The following CSMD1 variants were observed in gnomAD, a reference collection of about 807,000 sequenced individuals.
CSMD1 encodes CUB and Sushi multiple domains 1, also known as CUB and sushi domain-containing protein 1.
CSMD1 carries 213 observed loss-of-function variants against 417.5 expected under a neutral mutation model. The ratio of observed to expected loss-of-function variants is 0.51; its 90% confidence interval spans 0.46 to 0.57. The LOEUF is 0.57. Ranked by LOEUF, CSMD1 falls within the 20% of genes least tolerant of loss-of-function variation. The pLI, the probability that CSMD1 is intolerant of heterozygous loss-of-function variation, is 0.00. For missense variants in CSMD1, 6,923 were observed against 4,529.7 expected (o/e 1.53, Z -15.17); for synonymous variants, 2,862 against 1,736.8 (o/e 1.65, Z -16.11).
chr8:3,930,005 G>A (rs557112662), intron 5 of CSMD1, among the ~76,000 whole-genome samples: 1 of 150,308 alleles, frequency 6.7e-6, no homozygotes, highest in Non-Finnish European at 1.5e-5. Context: ...TATTGTTAAT[G>A]CAAGGTTTTC....
At chr8:4,082,169 A>G (rs991322727) in intron 3 of CSMD1, among the ~76,000 whole-genome samples, 2 of 152,178 alleles carry the variant, frequency 1.3e-5, no homozygotes, top group Admixed American at 6.5e-5. Context: ...TAAGGACATT[A>G]AAGAGCGTAC....
In CSMD1 at chr8:3,087,300, A is replaced by T; in HGVS notation, c.7286-15T>A. 1 of 1,610,800 alleles carries T rather than the reference A, an allele frequency of 6.2e-7. No individual in the cohort carries two copies. The highest frequency in any genetic ancestry group is 8.5e-7 in the Non-Finnish European group (1 of 1,177,318). ...GCAGTAAGGTGCTGTGGGCAGACAG[A>T]CACACACAGAAATAAGTCAACAAGC... On this transcript the variant is annotated splice_polypyrimidine_tract_variant and intron_variant, in intron 48 of 69. Transcript: ENST00000635120.
Position 2,973,230 on chromosome 8 carries a change from T to C in CSMD1, c.8810A>G (p.Lys2937Arg). ...GGAGAAGCGGAGAAGACTCTTTGTC[T>C]TAAAGTCATCACCAAGCCGAGACCC... ...AHGSRLGDDFKTKSLLRFSCE... is the reference protein window; with the variant it reads ...AHGSRLGDDFRTKSLLRFSCE... The change falls in exon 57 of 70, where the codon AAG becomes AGG. Residue 2937 changes from lysine (K) to arginine (R), a missense_variant. Lys to Arg is a conservative substitution (Grantham distance 26). Coordinates refer to ENST00000635120, the MANE Select transcript of CSMD1 (RefSeq NM_033225.6). The C allele has an allele frequency of 6.2e-7, 1 of 1,613,968 alleles. No individual in the cohort carries two copies. Among genetic ancestry groups the C allele is most frequent in the South Asian group, 1.1e-5 (1 of 91,082 alleles).
intron 5 of CSMD1, among the ~76,000 whole-genome samples, chr8:3,887,002 T>A (rs554646646): frequency 6.6e-6 from 1 of 152,160 alleles, no homozygotes; most frequent in African/African-American, 2.4e-5. Flanking sequence ...ATTGATCACC[T>A]GGTACCACAT....
At chr8:4,182,304 T>G (rs971234638) in intron 3 of CSMD1, among the ~76,000 whole-genome samples, 1 of 152,140 alleles carries the variant, frequency 6.6e-6, no homozygotes, top group South Asian at 2.1e-4. Flanking sequence ...GTTCTAAGCT[T>G]GCCCTTGGTT....
chr8:4,706,492 T>G (rs1807947937), intron 1 of CSMD1, among the ~76,000 whole-genome samples: 1 of 152,168 alleles, frequency 6.6e-6, no homozygotes, highest in Admixed American at 6.6e-5. Context: ...AAAGTAAATA[T>G]AGCATTAAAT....
At chr8:4,276,083 A>C (rs1796470031) in intron 3 of CSMD1, among the ~76,000 whole-genome samples, 1 of 152,164 alleles carries the variant, frequency 6.6e-6, no homozygotes, top group South Asian at 2.1e-4. Context: ...AGGATCTAGA[A>C]CTTGAAATAC....
rs762709431 is a variant in CSMD1 at position 3,396,309 on chromosome 8, G to C, written c.2478C>G (p.Gly826=). Residue 826 remains glycine, a synonymous_variant, in exon 17 of 70, where the codon GGC becomes GGG. Coordinates refer to ENST00000635120, the MANE Select transcript of CSMD1 (RefSeq NM_033225.6). The part of the protein sequence containing the change: ...DGPASSSPLI[G]EYHGTQAPQF... ...GGGGTGCCTGGGTGCCGTGGTACTC[G>C]CCGATCAGTGGGGACGAACTGGCTG... 12 of 1,607,000 alleles carry C rather than the reference G, an allele frequency of 7.5e-6. No individual in the cohort carries two copies. The highest frequency in any genetic ancestry group is 3.4e-5 in the Admixed American group (2 of 59,196).
intron 54 of CSMD1, among the ~76,000 whole-genome samples, chr8:2,991,907 G>A (rs1806419886): frequency 6.6e-6 from 1 of 152,134 alleles, no homozygotes; most frequent in Non-Finnish European, 1.5e-5. Context: ...CGTTTAAGAA[G>A]GTGACTACAC....
At chr8:4,778,999 A>G (rs977571623) in intron 1 of CSMD1, among the ~76,000 whole-genome samples, 7 of 152,234 alleles carry the variant, frequency 4.6e-5, no homozygotes, top group African/African-American at 1.7e-4. Flanking sequence ...GGTGTTTAAC[A>G]GTATAGGTAT....
chr8:3,862,351 C>G (rs965119018), intron 5 of CSMD1, among the ~76,000 whole-genome samples: 3 of 152,184 alleles, frequency 2.0e-5, no homozygotes, highest in Non-Finnish European at 2.9e-5. Context: ...CCTCACTTTG[C>G]TTCCTCAGAT....
intron 2 of CSMD1, among the ~76,000 whole-genome samples, chr8:4,634,127 T>A (rs754579351): frequency 2.0e-5 from 3 of 152,064 alleles, no homozygotes; most frequent in Non-Finnish European, 4.4e-5. Context: ...GCTCTCAATA[T>A]CCACATCATT....
chr8:4,450,794 CT>C (rs1799095567), intron 2 of CSMD1, among the ~76,000 whole-genome samples: 1 of 152,124 alleles, frequency 6.6e-6, no homozygotes, highest in African/African-American at 2.4e-5. Context: ...TTTCATTTTG[CT>C]TTCATTTACG....
At chr8:3,384,882 C>A (rs1175285639) in intron 18 of CSMD1, among the ~76,000 whole-genome samples, 1 of 116,532 alleles carries the variant, frequency 8.6e-6, no homozygotes, top group Non-Finnish European at 1.6e-5. Flanking sequence ...ATTATATATG[C>A]AAATATATAA....
chr8:3,461,609 T>C (rs1184629970), intron 12 of CSMD1, among the ~76,000 whole-genome samples: 1 of 152,182 alleles, frequency 6.6e-6, no homozygotes, highest in Non-Finnish European at 1.5e-5. Flanking sequence ...AAGGGCCCCA[T>C]GAAACTGTAA....
intron 36 of CSMD1, among the ~76,000 whole-genome samples, chr8:3,182,766 T>C (rs1027987929): frequency 2.1e-5 from 3 of 145,306 alleles, no homozygotes; most frequent in African/African-American, 7.7e-5. Flanking sequence ...TGTGTGTGTG[T>C]GTATTGTTAG....
chr8:4,250,890 G>A (rs73498590), intron 3 of CSMD1, among the ~76,000 whole-genome samples: 11 of 152,178 alleles, frequency 7.2e-5, no homozygotes, highest in African/African-American at 2.7e-4. Flanking sequence ...CTGATGAAAA[G>A]AGCACCTCTT....
intron 5 of CSMD1, among the ~76,000 whole-genome samples, chr8:3,958,653 G>A (rs1299240405): frequency 2.6e-5 from 4 of 151,974 alleles, no homozygotes; most frequent in Non-Finnish European, 4.4e-5. Flanking sequence ...ATACAAATTA[G>A]CCTATAAAAA....
intron 1 of CSMD1, among the ~76,000 whole-genome samples, chr8:4,766,851 T>G (rs1331480122): frequency 6.6e-6 from 1 of 152,236 alleles, no homozygotes; most frequent in Non-Finnish European, 1.5e-5. Context: ...ATTTCTCATA[T>G]GTATAAATAT....
Sources: allele counts gnomAD v4.1 joint callset (sites outside exome capture counted in the v4.1 genomes callset), GRCh38; gene constraint gnomAD v4.1.1; transcripts MANE v1.5; gene names NCBI Gene and HGNC (gene_info 2026-07-23, HGNC 2026-07-21).